Variants in KBTBD2 observed in about 807,000 individuals in gnomAD.
KBTBD2 encodes kelch repeat and BTB domain containing 2.
KBTBD2 carries 17 observed loss-of-function variants against 57.1 expected under a neutral mutation model. That is an observed-to-expected ratio of 0.30 (90% CI 0.20 to 0.45). The LOEUF is 0.45. KBTBD2 is among the 20% of genes least tolerant of loss of function. The pLI is 1.00. For synonymous variants in KBTBD2, 267 were observed against 262.7 expected (o/e 1.02, Z -0.16); for missense variants, 515 against 750.6 (o/e 0.69, Z 3.67).
Position 32,868,184 on chromosome 7 carries a change from AATTT to A in KBTBD2, c.*1157_*1160del, listed in dbSNP as rs1784068647. ...AGAAAAATAGATATTGAATATATAC[AATTT>A]ATTTAATAAATTAATGTCATTCAAA... On this transcript the variant is annotated 3_prime_UTR_variant, in exon 4 of 4. Transcript: ENST00000304056. The A allele has an allele frequency of 6.6e-6, 1 of 152,640 alleles. No individual in the cohort carries two copies. The highest frequency in any genetic ancestry group is 1.5e-5 in the Non-Finnish European group (1 of 68,048). 9.5% of individuals were successfully genotyped at this position (152,640 alleles called of 1,614,324 possible).
intron 1 of KBTBD2, among the ~76,000 whole-genome samples, chr7:32,884,544 G>A (rs559825230): frequency 6.6e-6 from 1 of 151,958 alleles, no homozygotes; most frequent in East Asian, 1.9e-4. Context: ...ACAAAAATTA[G>A]CCTGGTGTGA....
At position 32,870,125 on chromosome 7, in the gene KBTBD2, G is replaced by A; in HGVS notation, c.1092C>T (p.Thr364=). The A allele has an allele frequency of 3.7e-6, 6 of 1,614,108 alleles. No individual in the cohort carries two copies. The highest frequency in any genetic ancestry group is 5.1e-6 in the Non-Finnish European group (6 of 1,179,998). Residue 364 remains threonine, a synonymous_variant, in exon 4 of 4, where the codon ACC becomes ACT. Transcript: ENST00000304056. ...GCTTTATGCGGACAAAAAGCATTGG[G>A]GTCTTTGGAAACCAGGTATTTTGCT... ...DAQQNTWFPK[T]PMLFVRIKPS...
intron 1 of KBTBD2, among the ~76,000 whole-genome samples, chr7:32,888,214 CT>C (rs745483964): frequency 5.3e-5 from 8 of 150,724 alleles, no homozygotes; most frequent in South Asian, 2.1e-4. Context: ...ATAATTTTTC[CT>C]TTTTTTTTCC....
At chr7:32,887,796 A>C (rs1372201232) in intron 1 of KBTBD2, among the ~76,000 whole-genome samples, 2 of 152,198 alleles carry the variant, frequency 1.3e-5, no homozygotes, top group African/African-American at 4.8e-5. Context: ...TCTGCAACTT[A>C]ATAGCTGTGT....
chr7:32,869,229 A>G lies in KBTBD2; in HGVS notation c.*116T>C, dbSNP rs1784104085. 1.4e-6 allele frequency: 1 copy of G among 706,776 alleles called. No homozygotes were observed. Among genetic ancestry groups the G allele is most frequent in the Non-Finnish European group, 2.3e-6 (1 of 433,064 alleles). The allele number at this position is 706,776 out of a possible 1,614,324, so 43.8% of individuals were successfully genotyped here. On this transcript the variant is annotated 3_prime_UTR_variant, in exon 4 of 4. Coordinates refer to ENST00000304056, the MANE Select transcript of KBTBD2 (RefSeq NM_015483.3). ...AATATTAAGTAGGGCATAAAAATAA[A>G]ATTTATCAAAGATAGAATTTTATGT...
intron 1 of KBTBD2, among the ~76,000 whole-genome samples, chr7:32,884,958 A>ATGTGTG (rs1164129524): frequency 7.6e-5 from 11 of 144,294 alleles, no homozygotes; most frequent in African/African-American, 2.8e-4. Context: ...TTTTATATAT[A>ATGTGTG]TATGTGTGTA....
rs541661433 is a variant in KBTBD2, at chr7:32,870,084, C to T, written c.1133G>A (p.Cys378Tyr). Residue 378 changes from cysteine (C) to tyrosine (Y), a missense_variant, in exon 4 of 4, where the codon TGT becomes TAT. By Grantham distance (194) the Cys-to-Tyr change is radical. Coordinates refer to ENST00000304056, the MANE Select transcript of KBTBD2 (RefSeq NM_015483.3). ...TCCAATTGCATAGATATAGCCTTCA[C>T]AGCAAACCAAAGATGGCTTTATGCG... Reference protein sequence around the residue: ...FVRIKPSLVCCEGYIYAIGGD... With the variant: ...FVRIKPSLVCYEGYIYAIGGD... The T allele has an allele frequency of 6.2e-7, 1 of 1,614,230 alleles. No individual in the cohort carries two copies. Among genetic ancestry groups the T allele is most frequent in the South Asian group, 1.1e-5 (1 of 91,088 alleles).
intron 1 of KBTBD2, among the ~76,000 whole-genome samples, chr7:32,888,694 CAAAA>C (rs1229378677): frequency 1.0e-5 from 1 of 98,460 alleles, no homozygotes. Flanking sequence ...GACTCCGTCC[CAAAA>C]AAAAAAAAAA....
chr7:32,876,643 T>C (rs754672361), intron 2 of KBTBD2, among the ~76,000 whole-genome samples: 1 of 152,164 alleles, frequency 6.6e-6, no homozygotes, highest in Non-Finnish European at 1.5e-5. Flanking sequence ...CTAAGTTATA[T>C]TGGCAGAAAT....
intron 3 of KBTBD2, among the ~76,000 whole-genome samples, chr7:32,873,047 A>T (rs1784219955): frequency 6.6e-6 from 1 of 152,198 alleles, no homozygotes. Flanking sequence ...AGTACTTAAC[A>T]AATATCACGA....
chr7:32,870,410 C>T lies in KBTBD2; in HGVS notation c.807G>A (p.Met269Ile). The T allele has an allele frequency of 6.2e-7, 1 of 1,613,848 alleles. No individual in the cohort carries two copies. ...PRLGMTKEEM[M>I]IFIEASSENP... ...TTTCTGAAGATGCTTCAATGAAAATCATCATTTCCTCTTTAGTCATCCCAA... is the reference window on the plus strand; with the variant it reads ...TTTCTGAAGATGCTTCAATGAAAATTATCATTTCCTCTTTAGTCATCCCAA... Residue 269 changes from methionine to isoleucine, a missense_variant, in exon 4 of 4, where the codon ATG (methionine) becomes ATA (isoleucine). By Grantham distance (10) the Met-to-Ile change is conservative. Coordinates refer to ENST00000304056, the MANE Select transcript of KBTBD2 (RefSeq NM_015483.3).
chr7:32,875,168 G>A lies in KBTBD2; in HGVS notation c.171-11C>T. The A allele has an allele frequency of 6.2e-7, 1 of 1,610,672 alleles. No individual in the cohort carries two copies. Among genetic ancestry groups the A allele is most frequent in the Non-Finnish European group, 8.5e-7 (1 of 1,178,536 alleles). On this transcript the variant is annotated splice_polypyrimidine_tract_variant and intron_variant, in intron 2 of 3. Transcript: ENST00000304056. Reference sequence around the variant, plus strand: ...CTCATAAACATGGCCCTACAGGGGAGATGAAGAAAACAAAGTTGTAAGGGT... The same window carrying A: ...CTCATAAACATGGCCCTACAGGGGAAATGAAGAAAACAAAGTTGTAAGGGT...
At chr7:32,878,966 A>G (rs1017126489) in intron 2 of KBTBD2, among the ~76,000 whole-genome samples, 5 of 152,358 alleles carry the variant, frequency 3.3e-5, no homozygotes, top group African/African-American at 9.6e-5. Context: ...GTATAAAGAA[A>G]TATCACAAAT....
At chr7:32,889,222 C>G (rs1784664801) in intron 1 of KBTBD2, among the ~76,000 whole-genome samples, 1 of 151,208 alleles carries the variant, frequency 6.6e-6, no homozygotes, top group African/African-American at 2.4e-5. Flanking sequence ...ACCCGGGAGG[C>G]GGAGCTTGCA....
In KBTBD2 at chr7:32,870,893, G is replaced by GA; in HGVS notation, c.337-14_337-13insT. The stretch of plus-strand genomic sequence containing the variant: ...ACACATCTTCTACCTAGAATGAGAA[G>GA]GAAAAAAAAAACAGGCTGATAGGGC... On this transcript the variant is annotated splice_polypyrimidine_tract_variant and intron_variant, in intron 3 of 3. Coordinates refer to ENST00000304056, the MANE Select transcript of KBTBD2 (RefSeq NM_015483.3). 6.8e-7 allele frequency: 1 copy of GA among 1,472,992 alleles called. No homozygotes were observed. The highest frequency in any genetic ancestry group is 2.3e-5 in the Admixed American group (1 of 43,118). 91.2% of individuals were successfully genotyped at this position (1,472,992 alleles called of 1,614,324 possible). A position where few individuals can be genotyped will look rare whatever the true frequency, so the allele number is the denominator to read the frequency against.
intron 1 of KBTBD2, among the ~76,000 whole-genome samples, chr7:32,882,375 T>C (rs1025483489): frequency 1.3e-5 from 2 of 152,188 alleles, no homozygotes; most frequent in African/African-American, 4.8e-5. Flanking sequence ...ACTCTGGTCA[T>C]TTCATTAACC....
rs1187987873 is a variant in KBTBD2, at chr7:32,890,558, G to A, written c.-339+978C>T. 2.0e-5 allele frequency among the ~76,000 whole-genome samples: 3 copies of A among 152,128 alleles called. No individual in the cohort carries two copies. The East Asian group carries it at 5.8e-4, about 29-fold the overall frequency. ...CTCGATAAAAGAAAATATCATTTTG[G>A]TCAGTGCACAGCGTTGATAGGGTTT... On this transcript the variant is annotated intron_variant, in intron 1 of 3. Coordinates refer to ENST00000304056, the MANE Select transcript of KBTBD2 (RefSeq NM_015483.3).
At chr7:32,875,816 C>G (rs1362299759) in intron 2 of KBTBD2, among the ~76,000 whole-genome samples, 1 of 151,822 alleles carries the variant, frequency 6.6e-6, no homozygotes, top group Non-Finnish European at 1.5e-5. Context: ...TATATGAGTC[C>G]GTTTATATAA....
chr7:32,886,961 TG>T (rs1034012084), intron 1 of KBTBD2, among the ~76,000 whole-genome samples: 3 of 150,514 alleles, frequency 2.0e-5, no homozygotes, highest in African/African-American at 7.3e-5. Context: ...TTTGGCTTTT[TG>T]GGGGGAGGCA....
Sources: gnomAD v4.1 joint callset for allele counts (sites outside exome capture counted in the v4.1 genomes callset) on GRCh38, gnomAD v4.1.1 for gene constraint, MANE v1.5 for transcripts, NCBI Gene and HGNC (gene_info 2026-07-23, HGNC 2026-07-21) for gene names.